PTPN14: variants seen among roughly 807,000 people sequenced by gnomAD.
The protein encoded by PTPN14 is tyrosine-protein phosphatase non-receptor type 14.
PTPN14 carries 53 observed loss-of-function variants against 126.8 expected under a neutral mutation model. That is an observed-to-expected ratio of 0.42 (90% CI 0.34 to 0.53). The LOEUF is 0.53. Among genes scored for constraint, PTPN14 ranks in the 20% least tolerant of loss-of-function variants. The pLI, the probability that PTPN14 is intolerant of heterozygous loss-of-function variation, is 0.08. For synonymous variants in PTPN14, 630 were observed against 599.3 expected, an observed-to-expected ratio of 1.05 and a Z score of -0.75; for missense variants, 1,257 against 1,552.9, an observed-to-expected ratio of 0.81 and a Z score of 3.20.
At chr1:214,536,162 G>A (rs112849871) in intron 1 of PTPN14, among the ~76,000 whole-genome samples, 2,541 of 150,770 alleles carry the variant, frequency 0.017, 22 homozygotes, top group South Asian at 0.027. Flanking sequence ...GGCCAAGGCC[G>A]GGGTGGGGTG....
chr1:214,502,778 G>A (rs4129059), intron 1 of PTPN14, among the ~76,000 whole-genome samples: 35,532 of 151,936 alleles, frequency 0.23, 5,771 homozygotes, highest in African/African-American at 0.46. Flanking sequence ...AAAATATAGC[G>A]CAATAATGTT....
At position 214,376,332 on chromosome 1, in the gene PTPN14, C is replaced by T; in HGVS notation, c.2794G>A (p.Glu932Lys). Residue 932 changes from glutamate (E) to lysine (K), a missense_variant, in exon 15 of 19, where the codon GAA becomes AAA. Physicochemically the swap from Glu to Lys is moderately conservative, Grantham distance 56 (BLOSUM62 1). Transcript: ENST00000366956. ...CGGATTCGGCTGCGCTCGGCGTTTT[C>T]TGGCAGAGCTGCTGTGCTGAAAATG... Reference protein sequence around the residue: ...NGIFSTAALPENAERSRIREV... With the variant: ...NGIFSTAALPKNAERSRIREV... 1 of 1,614,214 alleles carries T rather than the reference C, an allele frequency of 6.2e-7. No homozygotes were observed. The highest frequency in any genetic ancestry group is 8.5e-7 in the Non-Finnish European group (1 of 1,180,024).
At chr1:214,439,243 A>C (rs920213232) in intron 3 of PTPN14, among the ~76,000 whole-genome samples, 2 of 152,224 alleles carry the variant, frequency 1.3e-5, no homozygotes, top group Admixed American at 6.5e-5. Context: ...TATCCTCATC[A>C]GTAGCTATCT....
At chr1:214,533,412 C>T (rs1379472011) in intron 1 of PTPN14, 4 of 416,294 alleles carry the variant, frequency 9.6e-6, no homozygotes, top group African/African-American at 2.1e-5. Flanking sequence ...CACCACCTGC[C>T]GCAAAGTGAG....
At chr1:214,446,871 G>A (rs1263378591) in intron 3 of PTPN14, among the ~76,000 whole-genome samples, 1 of 152,192 alleles carries the variant, frequency 6.6e-6, no homozygotes, top group Non-Finnish European at 1.5e-5. Context: ...GCAAACATGT[G>A]TTGGATGAAA....
intron 1 of PTPN14, among the ~76,000 whole-genome samples, chr1:214,519,456 CTCAATAATGCCTGCTGG>C (rs1315814880): frequency 2.0e-5 from 3 of 152,086 alleles, no homozygotes. Flanking sequence ...ACAGTGAGTT[CTCAATAATGCCTGCTGG>C]TCCATAATAT....
At chr1:214,475,201 G>T (rs1660842800) in intron 1 of PTPN14, among the ~76,000 whole-genome samples, 1 of 152,040 alleles carries the variant, frequency 6.6e-6, no homozygotes, top group Non-Finnish European at 1.5e-5. Flanking sequence ...AAAGTAACCT[G>T]GTAAAACAGA....
chr1:214,399,678 G>A (rs986087463), intron 7 of PTPN14, among the ~76,000 whole-genome samples: 2 of 152,030 alleles, frequency 1.3e-5, no homozygotes, highest in Admixed American at 1.3e-4. Context: ...TCAGTGCAGG[G>A]ATATTTTCTC....
At chr1:214,427,693 G>A (rs1189837828) in intron 3 of PTPN14, among the ~76,000 whole-genome samples, 1 of 152,050 alleles carries the variant, frequency 6.6e-6, no homozygotes, top group Non-Finnish European at 1.5e-5. Context: ...TAGGTCCAAT[G>A]AGAAAAAAGC....
intron 10 of PTPN14, 73 bp from the exon 11 acceptor site, chr1:214,391,118 A>T: frequency 8.4e-7 from 1 of 1,188,660 alleles, no homozygotes; most frequent in South Asian, 1.9e-5. Context: ...CAAGGGAAGG[A>T]GAGGAAGAGA....
chr1:214,447,965 G>A (rs560741288), intron 3 of PTPN14, among the ~76,000 whole-genome samples: 39 of 152,082 alleles, frequency 2.6e-4, no homozygotes, highest in African/African-American at 8.9e-4. Context: ...GGCTAATTAA[G>A]CAAAAAGAAA....
intron 3 of PTPN14, among the ~76,000 whole-genome samples, chr1:214,439,044 CT>C (rs946823058): frequency 2.0e-5 from 3 of 152,098 alleles, no homozygotes; most frequent in Non-Finnish European, 2.9e-5. Flanking sequence ...CTTCTTTTTC[CT>C]TTTTTTCCCC....
intron 17 of PTPN14, among the ~76,000 whole-genome samples, chr1:214,368,490 C>G (rs1658137861): frequency 6.6e-6 from 1 of 152,158 alleles, no homozygotes; most frequent in Admixed American, 6.5e-5. Context: ...TGTGAGCCAC[C>G]ATGCCCGGCC....
intron 1 of PTPN14, among the ~76,000 whole-genome samples, chr1:214,537,147 A>AT (rs1415258602): frequency 6.6e-6 from 1 of 152,184 alleles, no homozygotes; most frequent in Admixed American, 6.5e-5. Context: ...ATCCAGTTTG[A>AT]TTTTTATCAT....
At chr1:214,524,503 T>C (rs1366540908) in intron 1 of PTPN14, among the ~76,000 whole-genome samples, 1 of 151,756 alleles carries the variant, frequency 6.6e-6, no homozygotes, top group African/African-American at 2.4e-5. Context: ...AATGTAAAAA[T>C]TAGCTAGGCA....
intron 3 of PTPN14, among the ~76,000 whole-genome samples, chr1:214,435,504 A>T (rs1380836217): frequency 6.6e-6 from 1 of 152,226 alleles, no homozygotes; most frequent in Non-Finnish European, 1.5e-5. Flanking sequence ...CTTTAAAAAA[A>T]AAAGTATTCA....
At chr1:214,490,951 A>AGAAAGGAAGGAAGGAAGGGAAG (rs201153250) in intron 1 of PTPN14, among the ~76,000 whole-genome samples, 2 of 114,944 alleles carry the variant, frequency 1.7e-5, no homozygotes, top group African/African-American at 3.1e-5. Flanking sequence ...AAGAAAAGAA[A>AGAAAGGAAGGAAGGAAGGGAAG]GAAAGGAAGG....
At chr1:214,387,613 G>A (rs1342898530) in intron 11 of PTPN14, among the ~76,000 whole-genome samples, 1 of 151,524 alleles carries the variant, frequency 6.6e-6, no homozygotes, top group Non-Finnish European at 1.5e-5. Flanking sequence ...GGGCGGCGGA[G>A]GTTGCAGTAA....
At chr1:214,534,221 C>A (rs940348782) in intron 1 of PTPN14, among the ~76,000 whole-genome samples, 3 of 152,158 alleles carry the variant, frequency 2.0e-5, no homozygotes, top group Non-Finnish European at 4.4e-5. Context: ...CCATATGTAA[C>A]AAGATCTACA....
Sources: allele counts gnomAD v4.1 joint callset (sites outside exome capture counted in the v4.1 genomes callset), GRCh38; gene constraint gnomAD v4.1.1; transcripts MANE v1.5; gene names NCBI Gene and HGNC (gene_info 2026-07-23, HGNC 2026-07-21).